Variants in HMBOX1 observed in about 807,000 individuals in gnomAD.
HMBOX1 encodes the protein homeobox-containing protein 1.
HMBOX1 carries 14 observed loss-of-function variants against 54.5 expected under a neutral mutation model. The observed-to-expected ratio is 0.26, with a 90% CI of 0.17 to 0.40. The LOEUF (loss-of-function observed/expected upper bound fraction) is 0.40. Among genes scored for constraint, HMBOX1 ranks in the 10% least tolerant of loss-of-function variants. The probability of loss-of-function intolerance (pLI) is 1.00; values close to 1 mark genes in which losing one functional copy is unlikely to be tolerated. For synonymous variants in HMBOX1, 160 were observed against 181.0 expected (o/e 0.88, Z 0.93); for missense variants, 332 against 514.4 (o/e 0.65, Z 3.43).
At chr8:28,937,065 G>T (rs1394886570) in intron 1 of HMBOX1, among the ~76,000 whole-genome samples, 1 of 152,122 alleles carries the variant, frequency 6.6e-6, no homozygotes, top group African/African-American at 2.4e-5. Context: ...AGTTGTCAGT[G>T]TACCACCTTT....
chr8:28,970,350 C>G lies in HMBOX1; in HGVS notation c.331C>G (p.Pro111Ala), dbSNP rs548507433. The change falls in exon 3 of 10, where the codon CCT (proline) becomes GCT (alanine). Residue 111 changes from proline (P) to alanine (A), a missense_variant. Pro to Ala is a conservative substitution (Grantham distance 27). This residue lies in a region of HMBOX1 where 146 missense variants were observed against 173.3 expected (regional missense o/e 0.84). Coordinates refer to ENST00000287701, the MANE Select transcript of HMBOX1 (RefSeq NM_001135726.3). The surrounding 1 kb of genome is among the most constrained non-coding windows in gnomAD (Gnocchi z 4.3). ...CAACAGTTATGATACTTCCCCACAG[C>G]CTTGCACTACCAATCAAAATGGGAG... ...PSNSYDTSPQ[P>A]CTTNQNGREN... 2 of 1,614,162 alleles carry G rather than the reference C, an allele frequency of 1.2e-6. No individual in the cohort carries two copies. Among genetic ancestry groups the G allele is most frequent in the African/African-American group, 2.7e-5 (2 of 75,036 alleles).
chr8:28,932,201 C>T (rs1220133884), intron 1 of HMBOX1, among the ~76,000 whole-genome samples: 5 of 152,260 alleles, frequency 3.3e-5, no homozygotes, highest in East Asian at 3.9e-4. Context: ...ATCAGAAAGA[C>T]GGCAACTGTG....
intron 1 of HMBOX1, among the ~76,000 whole-genome samples, chr8:28,905,405 C>T (rs910421868): frequency 6.6e-6 from 1 of 152,088 alleles, no homozygotes; most frequent in Admixed American, 6.5e-5. Flanking sequence ...AAACAAAAAG[C>T]CTAAAAGCAT....
chr8:29,036,513 G>C (rs1803903019), intron 6 of HMBOX1, among the ~76,000 whole-genome samples: 1 of 152,188 alleles, frequency 6.6e-6, no homozygotes, highest in African/African-American at 2.4e-5. Context: ...TCAGTGTTAT[G>C]GTTGTGTCTC....
chr8:28,936,604 A>G (rs1021510129), intron 1 of HMBOX1, among the ~76,000 whole-genome samples: 9 of 152,082 alleles, frequency 5.9e-5, no homozygotes, highest in African/African-American at 2.2e-4. Context: ...ACTTTGAGCT[A>G]ACATGAGAAT....
At chr8:28,973,328 G>A (rs1393653043) in intron 3 of HMBOX1, among the ~76,000 whole-genome samples, 1 of 152,078 alleles carries the variant, frequency 6.6e-6, no homozygotes, top group East Asian at 1.9e-4. Context: ...TATGTCACTG[G>A]TGTACATTCC....
chr8:29,041,891 T>G (rs1216910661), intron 6 of HMBOX1, among the ~76,000 whole-genome samples: 1 of 152,126 alleles, frequency 6.6e-6, no homozygotes, highest in African/African-American at 2.4e-5. Context: ...AGAGATGTGC[T>G]TTAGGAATAT....
chr8:28,933,837 G>T (rs891109964), intron 1 of HMBOX1, among the ~76,000 whole-genome samples: 4 of 152,082 alleles, frequency 2.6e-5, no homozygotes, highest in Non-Finnish European at 5.9e-5. Context: ...AAAACCTTTC[G>T]TGCAAAGAAA....
chr8:28,984,209 ATGTACC>A (rs1829843906), intron 4 of HMBOX1, among the ~76,000 whole-genome samples: 2 of 152,248 alleles, frequency 1.3e-5, no homozygotes, highest in Non-Finnish European at 2.9e-5. Context: ...TTCAAAGAAT[ATGTACC>A]TGATGAAATC....
chr8:29,027,182 T>G (rs983643939), intron 6 of HMBOX1, among the ~76,000 whole-genome samples: 9 of 152,200 alleles, frequency 5.9e-5, no homozygotes, highest in African/African-American at 1.2e-4. Flanking sequence ...TCATCTGTAG[T>G]GTATGTCTGA....
intron 3 of HMBOX1, among the ~76,000 whole-genome samples, chr8:28,974,714 A>T (rs565713745): frequency 6.6e-6 from 1 of 152,312 alleles, no homozygotes; most frequent in East Asian, 1.9e-4. Context: ...TTTAAAATTT[A>T]AAGTTATACT....
intron 4 of HMBOX1, among the ~76,000 whole-genome samples, chr8:29,003,885 G>A (rs1030509627): frequency 1.3e-4 from 20 of 151,930 alleles, no homozygotes; most frequent in African/African-American, 4.8e-4. Context: ...TAATTAAAAA[G>A]GAGCTTATGA....
rs980038372 is a variant in HMBOX1 at position 28,995,841 on chromosome 8, G to A, written c.587-13231G>A. ...TATTTGGCTGGGCGCGGTGGCTCAC[G>A]CCTGTAATCCCAGCACTTTGGAAGG... On this transcript the variant is annotated intron_variant, in intron 4 of 9. Coordinates refer to ENST00000287701, the MANE Select transcript of HMBOX1 (RefSeq NM_001135726.3). Among the ~76,000 whole-genome samples the A allele has an allele frequency of 1.2e-4, 18 of 152,114 alleles. 1 individual carries two copies. Among genetic ancestry groups the A allele is most frequent in the African/African-American group, 4.1e-4 (17 of 41,422 alleles).
intron 6 of HMBOX1, among the ~76,000 whole-genome samples, chr8:29,026,713 G>A (rs1227603487): frequency 6.6e-6 from 1 of 152,172 alleles, no homozygotes; most frequent in Non-Finnish European, 1.5e-5. Flanking sequence ...CCAGTCACAT[G>A]TGGATGTTTA....
chr8:28,898,354 G>GT lies in HMBOX1; in HGVS notation c.-58+7682dup, dbSNP rs369736594. On this transcript the variant is annotated intron_variant, in intron 1 of 9. Coordinates refer to ENST00000287701, the MANE Select transcript of HMBOX1 (RefSeq NM_001135726.3). ...AGCTTTTTGGCTACCTGTGATTTCA[G>GT]TTTTTTCCTGGTAGAATTATTTTTT... Among the ~76,000 whole-genome samples the GT allele has an allele frequency of 4.6e-5, 7 of 152,138 alleles. No homozygotes were observed. In the East Asian group the frequency reaches 1.4e-3, roughly 29 times the overall value.
chr8:29,032,595 C>A (rs1268545279), intron 6 of HMBOX1, among the ~76,000 whole-genome samples: 1 of 152,056 alleles, frequency 6.6e-6, no homozygotes, highest in South Asian at 2.1e-4. Flanking sequence ...TGGGCAATAT[C>A]TTTGCCAGAA....
At chr8:28,960,798 T>TTTTTTTTTTTTC in intron 1 of HMBOX1, among the ~76,000 whole-genome samples, 1 of 97,514 alleles carries the variant, frequency 1.0e-5, no homozygotes, top group Non-Finnish European at 1.9e-5. Flanking sequence ...TTTTTTTTTT[T>TTTTTTTTTTTTC]TTTTTTGGAG....
At chr8:28,891,360 C>A (rs576831262) in intron 1 of HMBOX1, 1 of 152,280 alleles carries the variant, frequency 6.6e-6, no homozygotes, top group Admixed American at 6.5e-5. Flanking sequence ...TTTTTTGCAT[C>A]CTCAAGTCGG....
intron 4 of HMBOX1, among the ~76,000 whole-genome samples, chr8:28,993,143 A>G (rs975218694): frequency 6.6e-6 from 1 of 152,128 alleles, no homozygotes; most frequent in Non-Finnish European, 1.5e-5. Flanking sequence ...TTCTAGATAC[A>G]TAAATTTCAA....
Sources: allele counts gnomAD v4.1 joint callset (sites outside exome capture counted in the v4.1 genomes callset), GRCh38; gene constraint gnomAD v4.1.1; regional missense constraint gnomAD v4.1.1; non-coding constraint Gnocchi (gnomAD v3.1); transcripts MANE v1.5; gene names NCBI Gene and HGNC (gene_info 2026-07-23, HGNC 2026-07-21).